The following HS3ST4 variants were observed in gnomAD, a reference collection of about 807,000 sequenced individuals.
HS3ST4 encodes heparan sulfate glucosamine 3-O-sulfotransferase 4.
In HS3ST4, 17 loss-of-function variants were observed where a neutral mutation model predicts 29.2. The observed-to-expected ratio is 0.58, with a 90% CI of 0.40 to 0.87. The LOEUF is 0.87. Among genes scored for constraint, HS3ST4 ranks in the 40% least tolerant of loss-of-function variants. The pLI is 0.00. For synonymous variants in HS3ST4, 314 were observed against 285.7 expected (o/e 1.10, Z -1.00); for missense variants, 627 against 634.5 (o/e 0.99, Z 0.13).
intron 1 of HS3ST4, among the ~76,000 whole-genome samples, chr16:25,851,988 T>C (rs1415290363): frequency 6.6e-6 from 1 of 152,200 alleles, no homozygotes; most frequent in East Asian, 1.9e-4. Flanking sequence ...AACAGAGGTA[T>C]CATATGGGTT....
intron 1 of HS3ST4, among the ~76,000 whole-genome samples, chr16:25,971,327 C>G (rs1249239856): frequency 6.6e-6 from 1 of 152,222 alleles, no homozygotes; most frequent in Non-Finnish European, 1.5e-5. Context: ...TTCAACCTTG[C>G]AGCTGGCACA....
chr16:25,760,109 C>CCTAACCCTAACCCTAACCCTAACT (rs886099852), intron 1 of HS3ST4, among the ~76,000 whole-genome samples: 1 of 151,968 alleles, frequency 6.6e-6, no homozygotes, highest in East Asian at 1.9e-4. Context: ...TAGCCCTAAC[C>CCTAACCCTAACCCTAACCCTAACT]CTAACCCTAA....
intron 1 of HS3ST4, among the ~76,000 whole-genome samples, chr16:25,834,283 A>C (rs1169029432): frequency 6.6e-6 from 1 of 152,194 alleles, no homozygotes; most frequent in Non-Finnish European, 1.5e-5. Context: ...TTCCTAAATA[A>C]AAACTCCAGG....
At chr16:25,996,833 G>A (rs754992061) in intron 1 of HS3ST4, among the ~76,000 whole-genome samples, 3 of 152,030 alleles carry the variant, frequency 2.0e-5, no homozygotes, top group Non-Finnish European at 4.4e-5. Context: ...TAATTTTGAT[G>A]CAATTGATAT....
intron 1 of HS3ST4, among the ~76,000 whole-genome samples, chr16:25,969,888 G>A (rs1968879607): frequency 6.6e-6 from 1 of 152,178 alleles, no homozygotes. Flanking sequence ...CTCTGTTATG[G>A]TCATGTGCCC....
chr16:25,828,252 CTTTCTT>C (rs1386602638), intron 1 of HS3ST4, among the ~76,000 whole-genome samples: 17 of 70,334 alleles, frequency 2.4e-4, no homozygotes, highest in Admixed American at 9.0e-4. Context: ...CTCTTTCTTT[CTTTCTT>C]TCTTTCTTTC....
At chr16:25,759,673 C>G (rs1966777683) in intron 1 of HS3ST4, among the ~76,000 whole-genome samples, 1 of 152,186 alleles carries the variant, frequency 6.6e-6, no homozygotes, top group African/African-American at 2.4e-5. Context: ...GCCTGTCATT[C>G]CAGCACTTTG....
intron 1 of HS3ST4, among the ~76,000 whole-genome samples, chr16:25,772,432 G>A (rs1966843790): frequency 6.6e-6 from 1 of 152,150 alleles, no homozygotes; most frequent in South Asian, 2.1e-4. Context: ...TCCCGGGTAA[G>A]TTACAGAGCC....
At chr16:25,937,729 G>A (rs1027993787) in intron 1 of HS3ST4, among the ~76,000 whole-genome samples, 1 of 152,220 alleles carries the variant, frequency 6.6e-6, no homozygotes, top group African/African-American at 2.4e-5. Flanking sequence ...TTGGGGCATA[G>A]CTCTGATGTG....
chr16:25,828,429 C>T (rs1349919015), intron 1 of HS3ST4, among the ~76,000 whole-genome samples: 1 of 150,900 alleles, frequency 6.6e-6, no homozygotes, highest in African/African-American at 2.4e-5. Flanking sequence ...CAACCTCCGC[C>T]TCCTGGGTTC....
intron 1 of HS3ST4, among the ~76,000 whole-genome samples, chr16:26,019,518 G>GA (rs11446961): frequency 0.04 from 6,038 of 152,236 alleles, 390 homozygotes; most frequent in African/African-American, 0.13. Context: ...ATCAGAGTAA[G>GA]AGGGCTGGCT....
At chr16:25,820,643 G>A (rs974435943) in intron 1 of HS3ST4, among the ~76,000 whole-genome samples, 2 of 151,514 alleles carry the variant, frequency 1.3e-5, no homozygotes, top group East Asian at 3.9e-4. Context: ...TTATGTTGCC[G>A]AGGCTGGTTT....
At chr16:26,125,488 G>A (rs867454777) in intron 1 of HS3ST4, among the ~76,000 whole-genome samples, 7 of 152,324 alleles carry the variant, frequency 4.6e-5, no homozygotes, top group Admixed American at 1.3e-4. Context: ...CACCACTCAC[G>A]TCCCGCTGTA....
intron 1 of HS3ST4, among the ~76,000 whole-genome samples, chr16:25,927,054 CT>C (rs1968411536): frequency 1.3e-5 from 2 of 148,576 alleles, no homozygotes; most frequent in African/African-American, 5.1e-5. Context: ...AAGAGCGAAA[CT>C]CCGTCTAAAA....
intron 1 of HS3ST4, among the ~76,000 whole-genome samples, chr16:25,922,918 G>A (rs1968367686): frequency 6.6e-6 from 1 of 152,206 alleles, no homozygotes; most frequent in Non-Finnish European, 1.5e-5. Flanking sequence ...GGCTCACTCA[G>A]CTTTGGCAGA....
At chr16:25,935,911 G>GA (rs150490118) in intron 1 of HS3ST4, among the ~76,000 whole-genome samples, 82,594 of 151,698 alleles carry the variant, frequency 0.54, 23,181 homozygotes, top group African/African-American at 0.61. Flanking sequence ...TGAGATACTA[G>GA]ACTTTTTTTT....
At chr16:25,903,302 G>A (rs11074731) in intron 1 of HS3ST4, among the ~76,000 whole-genome samples, 12 of 103,494 alleles carry the variant, frequency 1.2e-4, no homozygotes, top group African/African-American at 1.9e-4. Flanking sequence ...GTGTGTGTGT[G>A]TATGTATATG....
chr16:25,862,030 G>A (rs989895755), intron 1 of HS3ST4, among the ~76,000 whole-genome samples: 1 of 152,102 alleles, frequency 6.6e-6, no homozygotes, highest in African/African-American at 2.4e-5. Context: ...GAATGGGGTA[G>A]GGGAAGGTGG....
rs538044361 is a variant in HS3ST4 at position 26,014,312 on chromosome 16, A to G, written c.735-121300A>G. 9.8e-5 allele frequency among the ~76,000 whole-genome samples: 15 copies of G among 152,310 alleles called. No homozygotes were observed. In the East Asian group the frequency reaches 2.7e-3, roughly 27 times the overall value. ...TAACAAATGAATGAATGAAAGTTCT[A>G]TCGTCACCATTTTACTTTATTTATT... On this transcript the variant is annotated intron_variant, in intron 1 of 1. Coordinates refer to ENST00000331351, the MANE Select transcript of HS3ST4 (RefSeq NM_006040.3).
Sources: allele counts gnomAD v4.1 joint callset (sites outside exome capture counted in the v4.1 genomes callset), GRCh38; gene constraint gnomAD v4.1.1; transcripts MANE v1.5; gene names NCBI Gene and HGNC (gene_info 2026-07-23, HGNC 2026-07-21).